Variants in NGEF observed in about 807,000 individuals in gnomAD.
NGEF encodes neuronal guanine nucleotide exchange factor.
NGEF carries 31 observed loss-of-function variants against 80.9 expected under a neutral mutation model. That is an observed-to-expected ratio of 0.38 (90% CI 0.29 to 0.52). NGEF has a LOEUF of 0.52. Among genes scored for constraint, NGEF ranks in the 20% least tolerant of loss-of-function variants. The probability of loss-of-function intolerance (pLI) is 0.84; values close to 1 mark genes in which losing one functional copy is unlikely to be tolerated. For synonymous variants in NGEF, 371 were observed against 370.2 expected (o/e 1.00, Z -0.03); for missense variants, 709 against 926.2 (o/e 0.77, Z 3.04).
chr2:232,993,222 A>AT (rs1694708784), intron 1 of NGEF, among the ~76,000 whole-genome samples: 13 of 69,042 alleles, frequency 1.9e-4, no homozygotes, highest in East Asian at 9.7e-4. Flanking sequence ...CCGTATAGAT[A>AT]CACACATATA....
chr2:232,886,114 GTGTGTGCTGTGTATATGCAGTGTGTGC>G (rs1691675133), intron 9 of NGEF, among the ~76,000 whole-genome samples: 1 of 151,492 alleles, frequency 6.6e-6, no homozygotes, highest in African/African-American at 2.4e-5. Flanking sequence ...ATGTGTGCAT[GTGTGTGCTGTGTATATGCAGTGTGTGC>G]TGTGTATGCA....
At chr2:232,885,050 C>G (rs1410203912) in intron 10 of NGEF, 1 of 553,102 alleles carries the variant, frequency 1.8e-6, no homozygotes, top group East Asian at 3.1e-5. Flanking sequence ...GCACACTAGC[C>G]CCGCACTCCC....
chr2:232,879,356 T>C lies in NGEF; in HGVS notation c.*133A>G. On this transcript the variant is annotated 3_prime_UTR_variant, in exon 15 of 15. Transcript: ENST00000264051. ...TGAGCACTCACTGCGTGGGCAGGGA[T>C]GAGGGCCGGGCACCCCAAGCCAGAT... The C allele has an allele frequency of 1.2e-6, 1 of 859,898 alleles. No homozygotes were observed. The highest frequency in any genetic ancestry group is 1.8e-6 in the Non-Finnish European group (1 of 558,114). 53.3% of individuals were successfully genotyped at this position (859,898 alleles called of 1,614,324 possible).
intron 1 of NGEF, among the ~76,000 whole-genome samples, chr2:232,976,975 T>G (rs1221311487): frequency 6.6e-6 from 1 of 152,112 alleles, no homozygotes; most frequent in Non-Finnish European, 1.5e-5. Context: ...AGGACACACT[T>G]AGGATGGACC....
At chr2:232,931,980 C>T (rs1047515812) in intron 3 of NGEF, among the ~76,000 whole-genome samples, 9 of 152,184 alleles carry the variant, frequency 5.9e-5, no homozygotes, top group African/African-American at 2.2e-4. Flanking sequence ...ACGGCCCTTT[C>T]TCCAGTGTCC....
rs764721677 is a variant in NGEF, at chr2:232,894,876, T to C, written c.869A>G (p.Lys290Arg). ...ELVTSEASYY[K>R]SLNLLVSHFM... ...GTGGGACACGAGCAGGTTCAGACTCTTGTAGTAGGACGCCTCGGAAGTGAC... is the reference window on the plus strand; with the variant it reads ...GTGGGACACGAGCAGGTTCAGACTCCTGTAGTAGGACGCCTCGGAAGTGAC... Residue 290 changes from lysine (K) to arginine (R), a missense_variant, in exon 6 of 15, where the codon AAG becomes AGG. Physicochemically the swap from Lys to Arg is conservative, Grantham distance 26. Around this residue, in one of 2 missense-constraint regions of NGEF, gnomAD observed 426 missense variants for 622.9 expected, o/e 0.68. Coordinates refer to ENST00000264051, the MANE Select transcript of NGEF (RefSeq NM_019850.3). 6.2e-7 allele frequency: 1 copy of C among 1,605,526 alleles called. No homozygotes were observed. The highest frequency in any genetic ancestry group is 1.1e-5 in the South Asian group (1 of 90,792).
chr2:233,003,707 A>G (rs1417366844), intron 1 of NGEF, among the ~76,000 whole-genome samples: 2 of 152,116 alleles, frequency 1.3e-5, no homozygotes, highest in African/African-American at 4.8e-5. Flanking sequence ...TGGAGAAACA[A>G]AGACGCAAAG....
At chr2:232,997,347 C>T (rs1482380892) in intron 1 of NGEF, among the ~76,000 whole-genome samples, 4 of 152,108 alleles carry the variant, frequency 2.6e-5, no homozygotes, top group East Asian at 1.9e-4. Flanking sequence ...TTTTAGGAAT[C>T]GCTAAGGGGC....
intron 3 of NGEF, among the ~76,000 whole-genome samples, chr2:232,931,345 G>A (rs1693213639): frequency 6.6e-6 from 1 of 152,220 alleles, no homozygotes; most frequent in Non-Finnish European, 1.5e-5. Context: ...TGTCAGAGGT[G>A]TGAAGCTGTT....
At chr2:232,905,993 G>A (rs1378876118) in intron 5 of NGEF, 1 of 135,624 alleles carries the variant, frequency 7.4e-6, no homozygotes, top group East Asian at 2.5e-4. Context: ...CCCTCTGCCC[G>A]GCCAGCCGCC....
chr2:232,956,031 C>G (rs1373714298), intron 3 of NGEF, among the ~76,000 whole-genome samples: 1 of 152,200 alleles, frequency 6.6e-6, no homozygotes, highest in Non-Finnish European at 1.5e-5. Context: ...CCAAACGTGA[C>G]TGCAGTTTAG....
chr2:232,988,944 G>A (rs1438185887), intron 1 of NGEF, among the ~76,000 whole-genome samples: 1 of 152,168 alleles, frequency 6.6e-6, no homozygotes, highest in Non-Finnish European at 1.5e-5. Flanking sequence ...CATAAAGAGA[G>A]AAATGTATTC....
At position 232,938,853 on chromosome 2, in the gene NGEF, G is replaced by C. The variant is rs1350101097; in HGVS notation, c.384-11667C>G. The stretch of plus-strand genomic sequence containing the variant: ...CTAGGTGCACATAATTTAGATGTCA[G>C]GTTATGGCCACAGGGTTCTTATATT... On this transcript the variant is annotated intron_variant, in intron 3 of 14. Coordinates refer to ENST00000264051, the MANE Select transcript of NGEF (RefSeq NM_019850.3). Among the ~76,000 whole-genome samples, 7 of 149,488 alleles carry C rather than the reference G, an allele frequency of 4.7e-5. No homozygotes were observed. The East Asian group carries it at 1.2e-3, about 25-fold the overall frequency.
rs537482079 is a variant in NGEF, at chr2:232,906,841, A to G, written c.829-11925T>C. Among the ~76,000 whole-genome samples, 163 of 151,986 alleles carry G rather than the reference A, an allele frequency of 1.1e-3. 1 individual carries two copies. Among genetic ancestry groups the G allele is most frequent in the African/African-American group, 3.8e-3 (156 of 41,404 alleles). Reference sequence around the variant, plus strand: ...TTTTCATTTTGTTCTGTACTAAGAAAAATTCTTCTGCCTTGGGATCCTGTT... The same window carrying G: ...TTTTCATTTTGTTCTGTACTAAGAAGAATTCTTCTGCCTTGGGATCCTGTT... On this transcript the variant is annotated intron_variant, in intron 5 of 14. Coordinates refer to ENST00000264051, the MANE Select transcript of NGEF (RefSeq NM_019850.3).
intron 5 of NGEF, among the ~76,000 whole-genome samples, chr2:232,915,959 A>C (rs1000042828): frequency 2.0e-5 from 3 of 152,126 alleles, no homozygotes; most frequent in Admixed American, 2.0e-4. Flanking sequence ...CCAAAATGCT[A>C]GGATTACAGG....
intron 3 of NGEF, among the ~76,000 whole-genome samples, chr2:232,964,868 G>A (rs947809562): frequency 1.1e-4 from 16 of 152,184 alleles, no homozygotes; most frequent in African/African-American, 3.6e-4. Flanking sequence ...AGATGGTTAC[G>A]TCTGAGAGTT....
chr2:232,937,239 A>G (rs1693347513), intron 3 of NGEF, among the ~76,000 whole-genome samples: 1 of 152,124 alleles, frequency 6.6e-6, no homozygotes, highest in South Asian at 2.1e-4. Context: ...AAGTGCTGGG[A>G]TTACAGGTGT....
chr2:232,918,144 T>G (rs987414108), intron 5 of NGEF, among the ~76,000 whole-genome samples: 2 of 152,068 alleles, frequency 1.3e-5, no homozygotes, highest in East Asian at 3.9e-4. Context: ...TTTTAGTAAA[T>G]ACGGGGTTTC....
chr2:232,885,479 T>C, intron 9 of NGEF, 110 bp from the exon 10 acceptor site: 1 of 847,064 alleles, frequency 1.2e-6, no homozygotes. Flanking sequence ...GACCAGACAC[T>C]GTGCCCACAG....
Sources: allele counts gnomAD v4.1 joint callset (sites outside exome capture counted in the v4.1 genomes callset), GRCh38; gene constraint gnomAD v4.1.1; regional missense constraint gnomAD v4.1.1; transcripts MANE v1.5; gene names NCBI Gene and HGNC (gene_info 2026-07-23, HGNC 2026-07-21).